JAM3: variants seen among roughly 807,000 people sequenced by gnomAD.
JAM3 encodes the protein junctional adhesion molecule 3.
Under a neutral mutation model 39.4 loss-of-function variants are expected in JAM3, and 31 were observed. That is an observed-to-expected ratio of 0.79 (90% CI 0.59 to 1.06). The LOEUF (loss-of-function observed/expected upper bound fraction) is 1.06. Ranked by LOEUF, JAM3 falls within the 50% of genes least tolerant of loss-of-function variation. The pLI is 0.00. For synonymous variants in JAM3, 182 were observed against 148.7 expected (o/e 1.22, Z -1.63); for missense variants, 455 against 391.4 (o/e 1.16, Z -1.37).
rs535480796 is a variant in JAM3 at position 134,118,370 on chromosome 11, T to C, written c.77-21481T>C. Reference sequence around the variant, plus strand: ...TGACCCTCCCTCCACCCATCATTTTTATATTTCCATTATTTCAGTGTAGAA... The same window carrying C: ...TGACCCTCCCTCCACCCATCATTTTCATATTTCCATTATTTCAGTGTAGAA... On this transcript the variant is annotated intron_variant, in intron 1 of 8. Coordinates refer to ENST00000299106, the MANE Select transcript of JAM3 (RefSeq NM_032801.5). 2.0e-5 allele frequency among the ~76,000 whole-genome samples: 3 copies of C among 152,288 alleles called. No individual in the cohort carries two copies. The East Asian group carries it at 5.8e-4, about 29-fold the overall frequency.
At chr11:134,096,357 ATCT>A (rs1355008718) in intron 1 of JAM3, among the ~76,000 whole-genome samples, 8 of 152,324 alleles carry the variant, frequency 5.3e-5, no homozygotes, top group East Asian at 1.9e-4. Context: ...TTCTCTGATC[ATCT>A]TCTTGGTCTG....
At chr11:134,109,949 T>G (rs1042979470) in intron 1 of JAM3, among the ~76,000 whole-genome samples, 5 of 152,072 alleles carry the variant, frequency 3.3e-5, no homozygotes, top group Admixed American at 1.3e-4. Context: ...TTTGGCAGAG[T>G]GAAGTGGGGT....
At position 134,106,756 on chromosome 11, in the gene JAM3, T is replaced by G. The variant is rs559202594; in HGVS notation, c.77-33095T>G. 9.2e-5 allele frequency among the ~76,000 whole-genome samples: 14 copies of G among 152,334 alleles called. No individual in the cohort carries two copies. In the East Asian group the frequency reaches 1.9e-3, roughly 21 times the overall value. On this transcript the variant is annotated intron_variant, in intron 1 of 8. Transcript: ENST00000299106. ...ATGCTCATCATCACTGGCCATCAGA[T>G]AAATGCACATCAAAACCACAATGAG...
At chr11:134,121,952 C>T (rs1292692778) in intron 1 of JAM3, among the ~76,000 whole-genome samples, 1 of 152,138 alleles carries the variant, frequency 6.6e-6, no homozygotes. Flanking sequence ...TAGCTTAGCA[C>T]GTGTGCTGTT....
chr11:134,119,178 A>C (rs1477236326), intron 1 of JAM3, among the ~76,000 whole-genome samples: 2 of 151,940 alleles, frequency 1.3e-5, no homozygotes, highest in African/African-American at 4.8e-5. Context: ...TGCCCTCCTC[A>C]GTCTCCCAAA....
intron 1 of JAM3, among the ~76,000 whole-genome samples, chr11:134,120,680 G>A (rs571758987): frequency 6.6e-6 from 1 of 152,154 alleles, no homozygotes; most frequent in Admixed American, 6.5e-5. Context: ...AGAGGACGGG[G>A]AGTTTGCACA....
intron 1 of JAM3, among the ~76,000 whole-genome samples, chr11:134,133,521 C>T (rs573618744): frequency 6.6e-6 from 1 of 152,226 alleles, no homozygotes; most frequent in Non-Finnish European, 1.5e-5. Flanking sequence ...TGCATTAGTT[C>T]AGATGCTTTT....
At chr11:134,134,393 A>G (rs1301353455) in intron 1 of JAM3, among the ~76,000 whole-genome samples, 1 of 140,174 alleles carries the variant, frequency 7.1e-6, no homozygotes, top group Admixed American at 7.4e-5. Flanking sequence ...AAACAGGATA[A>G]ATGCCAAAAA....
chr11:134,137,732 G>A, intron 1 of JAM3, among the ~76,000 whole-genome samples: 1 of 142,202 alleles, frequency 7.0e-6, no homozygotes, highest in African/African-American at 2.7e-5. Context: ...AGCCAGTGGT[G>A]GCGTCTCGTC....
intron 8 of JAM3, 69 bp downstream of exon 8, chr11:134,148,887 C>A (rs1392182067): frequency 6.6e-7 from 1 of 1,505,512 alleles, no homozygotes; most frequent in Non-Finnish European, 9.2e-7. Context: ...CCTTGGAAAC[C>A]ACACGGGTCT....
chr11:134,079,979 GT>G (rs1941637969), intron 1 of JAM3, among the ~76,000 whole-genome samples: 1 of 149,248 alleles, frequency 6.7e-6, no homozygotes, highest in South Asian at 2.1e-4. Context: ...TTGTTTGTTT[GT>G]TTTGTTTTGT....
intron 1 of JAM3, among the ~76,000 whole-genome samples, chr11:134,118,969 C>CT (rs61244231): frequency 0.3 from 41,895 of 140,372 alleles, 6,599 homozygotes; most frequent in East Asian, 0.63. Context: ...CTCAAGAAAT[C>CT]TTTTTTTTTT....
At chr11:134,095,257 C>T (rs556150246) in intron 1 of JAM3, among the ~76,000 whole-genome samples, 3 of 152,238 alleles carry the variant, frequency 2.0e-5, no homozygotes, top group Admixed American at 1.3e-4. Flanking sequence ...GGAATACCTT[C>T]TAAAGATCTG....
intron 1 of JAM3, among the ~76,000 whole-genome samples, chr11:134,138,017 T>C (rs7116075): frequency 0.98 from 42,680 of 43,644 alleles, 21,171 homozygotes; most frequent in Admixed American, 0.99. Context: ...CCCTTAGAGC[T>C]AGTGGTGGCG....
chr11:134,077,808 C>T (rs1048368832), intron 1 of JAM3, among the ~76,000 whole-genome samples: 16 of 150,998 alleles, frequency 1.1e-4, no homozygotes, highest in Non-Finnish European at 1.8e-4. Flanking sequence ...CACCATGCCA[C>T]GCCTGGCTAA....
intron 1 of JAM3, among the ~76,000 whole-genome samples, chr11:134,129,200 A>G (rs190117342): frequency 4.4e-4 from 66 of 151,284 alleles, no homozygotes; most frequent in Non-Finnish European, 8.5e-4. Flanking sequence ...GCTCACTGCA[A>G]GCTCCACCCA....
intron 1 of JAM3, among the ~76,000 whole-genome samples, chr11:134,092,336 C>T (rs1941879165): frequency 6.8e-6 from 1 of 147,848 alleles, no homozygotes; most frequent in African/African-American, 2.5e-5. Flanking sequence ...TTCTCCTGAA[C>T]CCTCCTTATT....
At chr11:134,118,887 C>T (rs1045181261) in intron 1 of JAM3, among the ~76,000 whole-genome samples, 3 of 151,916 alleles carry the variant, frequency 2.0e-5, no homozygotes. Context: ...TTTCTTCGAA[C>T]ACTTCTATTT....
chr11:134,144,006 T>G (rs1943022718), intron 3 of JAM3, among the ~76,000 whole-genome samples: 1 of 152,116 alleles, frequency 6.6e-6, no homozygotes, highest in Non-Finnish European at 1.5e-5. Flanking sequence ...CGGAGACACA[T>G]GGTAATGAGT....
Sources: gnomAD v4.1 joint callset for allele counts (sites outside exome capture counted in the v4.1 genomes callset) on GRCh38, gnomAD v4.1.1 for gene constraint, MANE v1.5 for transcripts, NCBI Gene and HGNC (gene_info 2026-07-23, HGNC 2026-07-21) for gene names.